DSCAM: variants seen among roughly 807,000 people sequenced by gnomAD.
The protein encoded by DSCAM is DS cell adhesion molecule.
Under a neutral mutation model 217.7 loss-of-function variants are expected in DSCAM, and 47 were observed. The ratio of observed to expected loss-of-function variants is 0.22; its 90% confidence interval spans 0.17 to 0.28. The LOEUF is 0.28. Ranked by LOEUF, DSCAM falls within the 10% of genes least tolerant of loss-of-function variation. The pLI, the probability that DSCAM is intolerant of heterozygous loss-of-function variation, is 1.00. For missense variants in DSCAM, 2,080 were observed against 2,618.3 expected (o/e 0.79, Z 4.49); for synonymous variants, 1,056 against 1,015.3 (o/e 1.04, Z -0.76).
intron 18 of DSCAM, among the ~76,000 whole-genome samples, chr21:40,137,700 T>A (rs1209290297): frequency 4.6e-5 from 7 of 151,782 alleles, no homozygotes; most frequent in Admixed American, 3.3e-4. Context: ...ATTAAAAAAA[T>A]ATATAAAATA....
At chr21:40,225,138 T>G (rs147877207) in intron 11 of DSCAM, among the ~76,000 whole-genome samples, 55 of 152,330 alleles carry the variant, frequency 3.6e-4, no homozygotes, top group African/African-American at 1.3e-3. Flanking sequence ...TGAAAGACAC[T>G]GCCCATTCTC....
intron 28 of DSCAM, among the ~76,000 whole-genome samples, chr21:40,058,404 C>T (rs990579191): frequency 6.6e-6 from 1 of 152,148 alleles, no homozygotes; most frequent in African/African-American, 2.4e-5. Flanking sequence ...CTAGCATATA[C>T]TTAGTTGATT....
chr21:40,109,594 G>A (rs909624756), intron 20 of DSCAM, among the ~76,000 whole-genome samples: 5 of 152,210 alleles, frequency 3.3e-5, no homozygotes, highest in East Asian at 1.9e-4. Context: ...GCAGCGCACC[G>A]AGCATGAGGC....
chr21:40,562,361 C>A (rs562596679), intron 3 of DSCAM, among the ~76,000 whole-genome samples: 1 of 152,188 alleles, frequency 6.6e-6, no homozygotes, highest in Admixed American at 6.5e-5. Flanking sequence ...TCCCCTTCCG[C>A]CATGATTGTT....
chr21:40,172,306 T>C (rs559299370), intron 15 of DSCAM, among the ~76,000 whole-genome samples: 1 of 152,332 alleles, frequency 6.6e-6, no homozygotes, highest in African/African-American at 2.4e-5. Context: ...AACTCTGCAT[T>C]TCTAAGAAAT....
Position 40,846,779 on chromosome 21 carries a change from CCCG to C in DSCAM, c.-121_-119del, listed in dbSNP as rs41386156. ...CCCGGGGGCCGCCGCCCGCCCGCCG[CCCG>C]CCGCCGCCGCCGCCGCTGCCTAGCC... On this transcript the variant is annotated 5_prime_UTR_variant, in exon 1 of 33. Transcript: ENST00000400454. 1.3e-3 allele frequency: 402 copies of C among 307,468 alleles called. No homozygotes were observed. Among genetic ancestry groups the C allele is most frequent in the Middle Eastern group, 3.2e-3 (2 of 616 alleles). The allele number at this position is 307,468 out of a possible 1,614,324, so 19.0% of individuals were successfully genotyped here.
At chr21:40,246,176 G>A (rs765988365) in intron 11 of DSCAM, among the ~76,000 whole-genome samples, 2 of 151,534 alleles carry the variant, frequency 1.3e-5, no homozygotes, top group Non-Finnish European at 2.9e-5. Context: ...GAGCCTGAGT[G>A]AACATGGGCA....
intron 3 of DSCAM, among the ~76,000 whole-genome samples, chr21:40,631,835 C>T (rs144885762): frequency 1.2e-3 from 182 of 152,294 alleles, no homozygotes; most frequent in Non-Finnish European, 2.1e-3. Context: ...TATCAGGAGA[C>T]ATGGGCTTGT....
Position 40,338,140 on chromosome 21 carries a change from G to C in DSCAM, c.1744C>G (p.Gln582Glu). ...EYTCNVLVQPQLSTSQSVHVT... is the reference protein window; with the variant it reads ...EYTCNVLVQPELSTSQSVHVT... ...TGGACGCTCTGGCTGGTGGAGAGTT[G>C]TGGTTGAACCAACACGTTGCACGTG... Residue 582 changes from glutamine to glutamate, a missense_variant, in exon 8 of 33, where the codon CAA (glutamine) becomes GAA (glutamate). Gln to Glu is a conservative substitution (Grantham distance 29, BLOSUM62 2). Transcript: ENST00000400454. 6.2e-7 allele frequency: 1 copy of C among 1,614,252 alleles called. No individual in the cohort carries two copies. Among genetic ancestry groups the C allele is most frequent in the Non-Finnish European group, 8.5e-7 (1 of 1,180,046 alleles).
chr21:40,812,666 G>C (rs1397259027), intron 1 of DSCAM, among the ~76,000 whole-genome samples: 1 of 152,198 alleles, frequency 6.6e-6, no homozygotes, highest in African/African-American at 2.4e-5. Context: ...TGAACATATA[G>C]GTCTGAAGCT....
chr21:40,326,575 T>C (rs1313792150), intron 8 of DSCAM, among the ~76,000 whole-genome samples: 2 of 152,192 alleles, frequency 1.3e-5, no homozygotes, highest in Non-Finnish European at 1.5e-5. Flanking sequence ...AGTGTTGCTC[T>C]AGAGGGAATA....
chr21:40,631,920 G>A (rs1213664854), intron 3 of DSCAM, among the ~76,000 whole-genome samples: 2 of 152,240 alleles, frequency 1.3e-5, no homozygotes, highest in African/African-American at 4.8e-5. Context: ...CCATGGGCAA[G>A]TTCTTCAGAC....
chr21:40,538,812 G>A (rs1464045883), intron 3 of DSCAM, among the ~76,000 whole-genome samples: 1 of 152,074 alleles, frequency 6.6e-6, no homozygotes, highest in African/African-American at 2.4e-5. Flanking sequence ...GAGGAGAGAA[G>A]AAAGACAATG....
chr21:40,318,344 A>C (rs2123511280), intron 8 of DSCAM, among the ~76,000 whole-genome samples: 1 of 152,110 alleles, frequency 6.6e-6, no homozygotes, highest in East Asian at 1.9e-4. Flanking sequence ...ATTAAAAAAA[A>C]AAAAAAGAAT....
At chr21:40,342,626 GTATATATA>G (rs1244685654) in intron 6 of DSCAM, among the ~76,000 whole-genome samples, 1 of 94,720 alleles carries the variant, frequency 1.1e-5, no homozygotes, top group African/African-American at 5.0e-5. Flanking sequence ...GTGTGTGTGT[GTATATATA>G]TATATATATA....
chr21:40,781,302 G>T (rs1258920551), intron 1 of DSCAM, among the ~76,000 whole-genome samples: 1 of 152,174 alleles, frequency 6.6e-6, no homozygotes, highest in East Asian at 1.9e-4. Flanking sequence ...TTACAAGCAT[G>T]AGCCACCGTG....
intron 10 of DSCAM, among the ~76,000 whole-genome samples, chr21:40,293,981 G>C (rs2073925470): frequency 6.6e-6 from 1 of 152,308 alleles, no homozygotes; most frequent in Middle Eastern, 3.4e-3. Flanking sequence ...CTTGGGGACA[G>C]GACTGACAGT....
At chr21:40,734,145 T>A (rs1000440277) in intron 1 of DSCAM, among the ~76,000 whole-genome samples, 15 of 151,936 alleles carry the variant, frequency 9.9e-5, no homozygotes, top group African/African-American at 3.6e-4. Flanking sequence ...CGATGTGGGG[T>A]CATCTAGAAA....
chr21:40,129,979 T>C (rs8128583), intron 19 of DSCAM, among the ~76,000 whole-genome samples: 4 of 152,190 alleles, frequency 2.6e-5, no homozygotes, highest in African/African-American at 9.7e-5. Context: ...TGCTAATTGA[T>C]GGTGGGGAGG....
Sources: gnomAD v4.1 joint callset for allele counts (sites outside exome capture counted in the v4.1 genomes callset) on GRCh38, gnomAD v4.1.1 for gene constraint, MANE v1.5 for transcripts, NCBI Gene and HGNC (gene_info 2026-07-23, HGNC 2026-07-21) for gene names.